Variants in BMP2K observed in about 807,000 individuals in gnomAD.
BMP2K encodes the protein BMP-2-inducible protein kinase.
Under a neutral mutation model 116.0 loss-of-function variants are expected in BMP2K, and 74 were observed. The observed-to-expected ratio is 0.64, with a 90% confidence interval of 0.53 to 0.77. The LOEUF (loss-of-function observed/expected upper bound fraction) is 0.77. BMP2K is among the 30% of genes least tolerant of loss of function. The probability of loss-of-function intolerance (pLI) is 0.00; values close to 1 mark genes in which losing one functional copy is unlikely to be tolerated. For missense variants in BMP2K, 1,365 were observed against 1,403.6 expected (o/e 0.97, Z 0.44); for synonymous variants, 486 against 502.5 (o/e 0.97, Z 0.44).
At chr4:78,898,614 T>G (rs1162457313) in intron 15 of BMP2K, among the ~76,000 whole-genome samples, 2 of 149,882 alleles carry the variant, frequency 1.3e-5, no homozygotes, top group Non-Finnish European at 3.0e-5. Flanking sequence ...ATTCCTTTCC[T>G]GTTTAAAGTC....
chr4:78,790,891 A>C (rs566257157), intron 1 of BMP2K, among the ~76,000 whole-genome samples: 1 of 152,180 alleles, frequency 6.6e-6, no homozygotes, highest in Non-Finnish European at 1.5e-5. Flanking sequence ...AAAAATAATA[A>C]ATTTTTAAAA....
At chr4:78,892,768 G>A (rs978363785) in intron 15 of BMP2K, among the ~76,000 whole-genome samples, 3 of 152,110 alleles carry the variant, frequency 2.0e-5, no homozygotes, top group African/African-American at 7.2e-5. Context: ...GCTGTAATCT[G>A]TTAAGTATGC....
intron 1 of BMP2K, among the ~76,000 whole-genome samples, chr4:78,802,417 C>T (rs1235718755): frequency 6.6e-6 from 1 of 152,126 alleles, no homozygotes; most frequent in Non-Finnish European, 1.5e-5. Flanking sequence ...TGTAATCTGC[C>T]ACGTTTCTAG....
chr4:78,784,336 C>A (rs1395208233), intron 1 of BMP2K, among the ~76,000 whole-genome samples: 2 of 152,168 alleles, frequency 1.3e-5, no homozygotes, highest in East Asian at 3.8e-4. Context: ...TATTTCATCT[C>A]CAAAAGATTG....
chr4:78,856,179 ATTCT>A (rs1274225455), intron 7 of BMP2K, among the ~76,000 whole-genome samples: 1 of 152,042 alleles, frequency 6.6e-6, no homozygotes, highest in Non-Finnish European at 1.5e-5. Context: ...GAAGGGTCAA[ATTCT>A]TTCTTTCTTT....
At chr4:78,863,613 G>T (rs952972475) in intron 9 of BMP2K, among the ~76,000 whole-genome samples, 1 of 152,132 alleles carries the variant, frequency 6.6e-6, no homozygotes, top group African/African-American at 2.4e-5. Flanking sequence ...TTTTGTTCAG[G>T]TGATGGCAAG....
At chr4:78,853,880 A>G (rs1018692902) in intron 7 of BMP2K, among the ~76,000 whole-genome samples, 2 of 152,014 alleles carry the variant, frequency 1.3e-5, no homozygotes, top group Admixed American at 1.3e-4. Flanking sequence ...TACTACAACT[A>G]CTCTTGATAT....
chr4:78,873,658 CTGTGTGTGTGTGTGTGTGTGTG>C (rs377226626), intron 13 of BMP2K, among the ~76,000 whole-genome samples: 10,153 of 139,520 alleles, frequency 0.073, 1,123 homozygotes, highest in African/African-American at 0.24. Context: ...CTCCCAACCT[CTGTGTGTGTGTGTGTGTGTGTG>C]TGTGTGTGTG....
intron 1 of BMP2K, among the ~76,000 whole-genome samples, chr4:78,817,725 G>A (rs929257340): frequency 3.9e-5 from 6 of 152,038 alleles, no homozygotes; most frequent in Non-Finnish European, 5.9e-5. Context: ...GTAGGGGGTC[G>A]GGGGAAAGGG....
chr4:78,810,545 A>G (rs1729037096), intron 1 of BMP2K, among the ~76,000 whole-genome samples: 1 of 152,222 alleles, frequency 6.6e-6, no homozygotes, highest in African/African-American at 2.4e-5. Context: ...CAGAGTGCCG[A>G]GTCAGGTCAC....
At chr4:78,856,436 A>G (rs1454356427) in intron 7 of BMP2K, among the ~76,000 whole-genome samples, 1 of 152,120 alleles carries the variant, frequency 6.6e-6, no homozygotes, top group Non-Finnish European at 1.5e-5. Context: ...CCAGTGGTAC[A>G]TTTTGCAACC....
chr4:78,797,706 T>C (rs1422906868), intron 1 of BMP2K, among the ~76,000 whole-genome samples: 1 of 152,230 alleles, frequency 6.6e-6, no homozygotes, highest in Non-Finnish European at 1.5e-5. Context: ...GTCTTGCAGC[T>C]TTATAAGCTT....
At position 78,776,553 on chromosome 4, in the gene BMP2K, T is replaced by G; in HGVS notation, c.10T>G (p.Phe4Val). 1 of 1,147,174 alleles carries G rather than the reference T, an allele frequency of 8.7e-7. No homozygotes were observed. The highest frequency in any genetic ancestry group is 4.6e-5 in the East Asian group (1 of 21,668). 71.1% of individuals were successfully genotyped at this position (1,147,174 alleles called of 1,614,324 possible). A position where few individuals can be genotyped will look rare whatever the true frequency, so the allele number is the denominator to read the frequency against. MKK[F>V]SRMPKSEGGS... The stretch of plus-strand genomic sequence containing the variant: ...GCTCGCCGGCGGGACCATGAAGAAG[T>G]TCTCTCGGATGCCCAAGTCGGAGGG... The change falls in exon 1 of 16, where the codon TTC (phenylalanine) becomes GTC (valine). Residue 4 changes from phenylalanine (F) to valine (V), a missense_variant. By Grantham distance (50) the Phe-to-Val change is conservative. Coordinates refer to ENST00000502613, the MANE Select transcript of BMP2K (RefSeq NM_198892.2).
intron 2 of BMP2K, among the ~76,000 whole-genome samples, chr4:78,827,433 G>T (rs1729928775): frequency 6.6e-6 from 1 of 152,116 alleles, no homozygotes; most frequent in African/African-American, 2.4e-5. Flanking sequence ...GGTAGTCTCT[G>T]TCTGTCTTGC....
intron 1 of BMP2K, among the ~76,000 whole-genome samples, chr4:78,819,462 T>C (rs985038634): frequency 2.6e-5 from 4 of 152,240 alleles, no homozygotes; most frequent in Non-Finnish European, 5.9e-5. Flanking sequence ...GAACCTCATT[T>C]ATTCTTTAGA....
chr4:78,817,608 A>G (rs1729414306), intron 1 of BMP2K, among the ~76,000 whole-genome samples: 1 of 152,158 alleles, frequency 6.6e-6, no homozygotes, highest in Non-Finnish European at 1.5e-5. Flanking sequence ...GAAACTCTGA[A>G]CCTTGTATTC....
chr4:78,850,910 T>G lies in BMP2K; in HGVS notation c.751-14T>G, dbSNP rs955764113. 2.7e-5 allele frequency: 43 copies of G among 1,609,592 alleles called. No individual in the cohort carries two copies. Among genetic ancestry groups the G allele is most frequent in the Non-Finnish European group, 3.7e-5 (43 of 1,177,760 alleles). On this transcript the variant is annotated splice_polypyrimidine_tract_variant and intron_variant, in intron 6 of 15. Coordinates refer to ENST00000502613, the MANE Select transcript of BMP2K (RefSeq NM_198892.2). ...CTTGAGCTCTAATGATATTTATGCT[T>G]CTTTGGTTTACAGGCACTGGGATGT...
chr4:78,785,151 C>T (rs1390328157), intron 1 of BMP2K, among the ~76,000 whole-genome samples: 2 of 151,888 alleles, frequency 1.3e-5, no homozygotes, highest in Admixed American at 6.6e-5. Context: ...TGCTCTGTTG[C>T]CCAGGCTGGA....
chr4:78,856,753 T>A (rs1167695744), intron 7 of BMP2K, among the ~76,000 whole-genome samples: 4 of 152,146 alleles, frequency 2.6e-5, no homozygotes, highest in Non-Finnish European at 5.9e-5. Flanking sequence ...CCTGTTCCTC[T>A]GTTCCCAACC....
Sources: gnomAD v4.1 joint callset for allele counts (sites outside exome capture counted in the v4.1 genomes callset) on GRCh38, gnomAD v4.1.1 for gene constraint, MANE v1.5 for transcripts, NCBI Gene and HGNC (gene_info 2026-07-23, HGNC 2026-07-21) for gene names.